Variants in FKTN observed in about 807,000 individuals in gnomAD.
FKTN encodes the protein ribitol-5-phosphate transferase FKTN.
FKTN carries 47 observed loss-of-function variants against 58.6 expected under a neutral mutation model. That is an observed-to-expected ratio of 0.80 (90% CI 0.63 to 1.02). FKTN has a LOEUF of 1.02. Ranked by LOEUF, FKTN falls within the 50% of genes least tolerant of loss-of-function variation. The pLI is 0.00. For missense variants in FKTN, 516 were observed against 537.3 expected, an observed-to-expected ratio of 0.96 and a Z score of 0.39; for synonymous variants, 178 against 191.9, an observed-to-expected ratio of 0.93 and a Z score of 0.60.
chr9:105,559,290 C>G (rs1837815842), intron 1 of FKTN, among the ~76,000 whole-genome samples: 1 of 152,186 alleles, frequency 6.6e-6, no homozygotes, highest in Admixed American at 6.5e-5. Flanking sequence ...CAGCTGATCT[C>G]TCTTCTCTAA....
chr9:105,622,475 CT>C (rs1832131940), intron 10 of FKTN, among the ~76,000 whole-genome samples: 1 of 151,880 alleles, frequency 6.6e-6, no homozygotes, highest in African/African-American at 2.4e-5. Flanking sequence ...TCCAGGATAT[CT>C]GCTACCTATC....
In FKTN at chr9:105,574,970, A is replaced by G. The variant is rs921462265; in HGVS notation, c.-63A>G. On this transcript the variant is annotated 5_prime_UTR_variant, in exon 3 of 11. Coordinates refer to ENST00000357998, the MANE Select transcript of FKTN (RefSeq NM_001079802.2). ...AAAACAAAATTATCTTCCTTTCCAA[A>G]TCCAAAAAGATGAAAACGACTGAGA... is the stretch of plus-strand genomic sequence containing the variant. 1 of 926,298 alleles carries G rather than the reference A, an allele frequency of 1.1e-6. No individual in the cohort carries two copies. Among genetic ancestry groups the G allele is most frequent in the Non-Finnish European group, 1.8e-6 (1 of 553,746 alleles). 57.4% of individuals were successfully genotyped at this position (926,298 alleles called of 1,614,324 possible). A position where few individuals can be genotyped will look rare whatever the true frequency, so the allele number is the denominator to read the frequency against.
At chr9:105,625,517 T>G (rs1156774809) in intron 10 of FKTN, among the ~76,000 whole-genome samples, 1 of 152,184 alleles carries the variant, frequency 6.6e-6, no homozygotes, top group African/African-American at 2.4e-5. Context: ...GGAATATTGT[T>G]CTTGCTAGTG....
intron 5 of FKTN, among the ~76,000 whole-genome samples, chr9:105,601,719 C>T (rs1827905067): frequency 6.6e-6 from 1 of 152,090 alleles, no homozygotes; most frequent in Non-Finnish European, 1.5e-5. Context: ...TGCTTTTTTG[C>T]TGGGGGAAAC....
chr9:105,584,796 G>A (rs962666692), intron 3 of FKTN, among the ~76,000 whole-genome samples: 1 of 152,088 alleles, frequency 6.6e-6, no homozygotes, highest in Non-Finnish European at 1.5e-5. Context: ...ACTCCAGCCT[G>A]GGTGACGGGG....
rs536082555 is a variant in FKTN, at chr9:105,573,965, T to A, written c.-89+219T>A. On this transcript the variant is annotated intron_variant, in intron 2 of 10. Coordinates refer to ENST00000357998, the MANE Select transcript of FKTN (RefSeq NM_001079802.2). ...AAGGTAAGTGGTACCCCTAAGTTCT[T>A]TTTGATAAACTGCAAGAAGATGAAT... Among the ~76,000 whole-genome samples, 9 of 152,252 alleles carry A rather than the reference T, an allele frequency of 5.9e-5. No homozygotes were observed. The South Asian group carries it at 1.9e-3, about 32-fold the overall frequency.
chr9:105,567,141 C>G (rs562954452), intron 1 of FKTN, among the ~76,000 whole-genome samples: 3 of 152,230 alleles, frequency 2.0e-5, no homozygotes, highest in Non-Finnish European at 4.4e-5. Context: ...ATTGATGGGA[C>G]GTATCTCAAA....
chr9:105,601,379 T>C lies in FKTN; in HGVS notation c.369+31T>C, dbSNP rs758676836. 3.0e-5 allele frequency: 43 copies of C among 1,432,480 alleles called. No homozygotes were observed. In the South Asian group the frequency reaches 4.7e-4, roughly 16 times the overall value. 88.7% of individuals were successfully genotyped at this position (1,432,480 alleles called of 1,614,324 possible). A position where few individuals can be genotyped will look rare whatever the true frequency, so the allele number is the denominator to read the frequency against. ...TGACTTGCTTTCAGATAATGGAATGTGTCTCTTTTTACAAAATAGTATAGG... is the reference window on the plus strand; with the variant it reads ...TGACTTGCTTTCAGATAATGGAATGCGTCTCTTTTTACAAAATAGTATAGG... On this transcript the variant is annotated intron_variant, in intron 5 of 10. Transcript: ENST00000357998.
intron 7 of FKTN, among the ~76,000 whole-genome samples, chr9:105,610,373 C>T (rs746693237): frequency 3.0e-4 from 45 of 152,096 alleles, no homozygotes; most frequent in Non-Finnish European, 5.1e-4. Context: ...CCTCTGAATT[C>T]ACATTGACAT....
In FKTN at chr9:105,636,491, C is replaced by T; in HGVS notation, c.*1227C>T. 1.0e-6 allele frequency: 1 copy of T among 1,003,646 alleles called. No individual in the cohort carries two copies. Among genetic ancestry groups the T allele is most frequent in the Non-Finnish European group, 1.2e-6 (1 of 838,824 alleles). 62.2% of individuals were successfully genotyped at this position (1,003,646 alleles called of 1,614,324 possible). The stretch of plus-strand genomic sequence containing the variant: ...GTCGATGGGGCAAGAACTCAGACTT[C>T]TACTTTACCAAGTACCACACACTCT... On this transcript the variant is annotated 3_prime_UTR_variant, in exon 11 of 11. Coordinates refer to ENST00000357998, the MANE Select transcript of FKTN (RefSeq NM_001079802.2).
chr9:105,565,610 A>G (rs1839419115), intron 1 of FKTN, among the ~76,000 whole-genome samples: 1 of 151,992 alleles, frequency 6.6e-6, no homozygotes, highest in African/African-American at 2.4e-5. Context: ...TGTCTTAAAT[A>G]TATATGCACC....
At chr9:105,619,101 T>C (rs950054963) in intron 9 of FKTN, among the ~76,000 whole-genome samples, 5 of 152,072 alleles carry the variant, frequency 3.3e-5, no homozygotes, top group African/African-American at 9.6e-5. Flanking sequence ...AATTATTTTT[T>C]CCATCATAAA....
At chr9:105,580,547 G>C (rs1842691972) in intron 3 of FKTN, among the ~76,000 whole-genome samples, 1 of 107,650 alleles carries the variant, frequency 9.3e-6, no homozygotes, top group Non-Finnish European at 1.9e-5. Flanking sequence ...CTGTTAGTCT[G>C]ATGGGCTTCC....
Position 105,637,937 on chromosome 9 carries a change from G to T in FKTN, c.*2673G>T. 1.0e-6 allele frequency: 1 copy of T among 985,360 alleles called. No individual in the cohort carries two copies. 61.0% of individuals were successfully genotyped at this position (985,360 alleles called of 1,614,324 possible). ...GCTTGGTGGGACAGCTGATTTCTTT[G>T]ATTCCCTAGCTGCAAAACCTGAAAT... On this transcript the variant is annotated 3_prime_UTR_variant, in exon 11 of 11. Transcript: ENST00000357998.
At position 105,606,694 on chromosome 9, in the gene FKTN, TTATATA is replaced by T. The variant is rs201784966; in HGVS notation, c.648-1119_648-1114del. On this transcript the variant is annotated intron_variant, in intron 6 of 10. Coordinates refer to ENST00000357998, the MANE Select transcript of FKTN (RefSeq NM_001079802.2). ...CTTCTTTTAAAAATATATATATATA[TTATATA>T]TATATGTTTTCTCTCTATCTGGAAT... is the stretch of plus-strand genomic sequence containing the variant. 0.015 allele frequency among the ~76,000 whole-genome samples: 1,365 copies of T among 92,096 alleles called. 22 individuals are homozygous for T. Among genetic ancestry groups the T allele is most frequent in the African/African-American group, 0.069 (1,308 of 19,084 alleles). The allele number at this position is 92,096 out of a possible 152,430, so 60.4% of individuals were successfully genotyped here.
At chr9:105,621,391 G>T (rs1357216359) in intron 10 of FKTN, among the ~76,000 whole-genome samples, 1 of 151,884 alleles carries the variant, frequency 6.6e-6, no homozygotes, top group Non-Finnish European at 1.5e-5. Context: ...TATTCCTTGG[G>T]GATGAAGAAA....
At chr9:105,582,602 C>T (rs1843204434) in intron 3 of FKTN, among the ~76,000 whole-genome samples, 1 of 152,114 alleles carries the variant, frequency 6.6e-6, no homozygotes, top group African/African-American at 2.4e-5. Flanking sequence ...CCATTTTTTC[C>T]AGGCTATATA....
Position 105,569,818 on chromosome 9 carries a change from T to C in FKTN, c.-180-3837T>C, listed in dbSNP as rs183200920. 4.9e-4 allele frequency among the ~76,000 whole-genome samples: 74 copies of C among 152,296 alleles called. 1 individual carries two copies. Among genetic ancestry groups the C allele is most frequent in the Admixed American group, 5.9e-4 (9 of 15,290 alleles). ...TCTTTTTTTTCCCTGAAAACATTTG[T>C]CATTTCTCTCCCAACCACTGCCTCA... is the stretch of plus-strand genomic sequence containing the variant. On this transcript the variant is annotated intron_variant, in intron 1 of 10. Transcript: ENST00000357998.
chr9:105,591,796 G>A (rs1191980828), intron 3 of FKTN, among the ~76,000 whole-genome samples: 1 of 152,222 alleles, frequency 6.6e-6, no homozygotes, highest in Non-Finnish European at 1.5e-5. Context: ...CTCCATGAGG[G>A]CTCCATTAGC....
Sources: allele counts gnomAD v4.1 joint callset (sites outside exome capture counted in the v4.1 genomes callset), GRCh38; gene constraint gnomAD v4.1.1; transcripts MANE v1.5; gene names NCBI Gene and HGNC (gene_info 2026-07-23, HGNC 2026-07-21).